BRINP3: variants seen among roughly 807,000 people sequenced by gnomAD.
The protein encoded by BRINP3 is BMP/retinoic acid inducible neural specific 3.
Under a neutral mutation model 71.0 loss-of-function variants are expected in BRINP3, and 19 were observed. The observed-to-expected ratio is 0.27, with a 90% CI of 0.19 to 0.39. BRINP3 has a LOEUF of 0.39. Ranked by LOEUF, BRINP3 falls within the 10% of genes least tolerant of loss-of-function variation. The pLI is 1.00. For synonymous variants in BRINP3, 380 were observed against 337.7 expected, an observed-to-expected ratio of 1.13 and a Z score of -1.37; for missense variants, 959 against 940.8, an observed-to-expected ratio of 1.02 and a Z score of -0.25.
chr1:190,114,795 T>C (rs1652992249), intron 7 of BRINP3, among the ~76,000 whole-genome samples: 1 of 152,184 alleles, frequency 6.6e-6, no homozygotes, highest in Non-Finnish European at 1.5e-5. Flanking sequence ...CACTGGTCTC[T>C]TCACTATTTT....
intron 2 of BRINP3, among the ~76,000 whole-genome samples, chr1:190,387,268 A>G (rs1670971830): frequency 6.6e-6 from 1 of 152,048 alleles, no homozygotes; most frequent in Non-Finnish European, 1.5e-5. Context: ...GAAATTAATA[A>G]CAAAAGTTAG....
At chr1:190,117,280 A>T (rs748161347) in intron 7 of BRINP3, among the ~76,000 whole-genome samples, 5 of 152,002 alleles carry the variant, frequency 3.3e-5, no homozygotes, top group Non-Finnish European at 5.9e-5. Flanking sequence ...AACAATACAT[A>T]AGATTTATAA....
intron 2 of BRINP3, among the ~76,000 whole-genome samples, chr1:190,303,116 A>G (rs984209018): frequency 6.6e-6 from 1 of 151,728 alleles, no homozygotes; most frequent in Admixed American, 6.6e-5. Context: ...TTAATTTTCC[A>G]AGTTTCTGAA....
chr1:190,381,785 A>G (rs1670565678), intron 2 of BRINP3, among the ~76,000 whole-genome samples: 1 of 152,192 alleles, frequency 6.6e-6, no homozygotes, highest in African/African-American at 2.4e-5. Flanking sequence ...GATGACTTGT[A>G]GGTCCTAGGC....
intron 1 of BRINP3, among the ~76,000 whole-genome samples, chr1:190,473,615 A>G (rs1472613930): frequency 2.6e-5 from 4 of 151,380 alleles, no homozygotes; most frequent in Admixed American, 2.0e-4. Flanking sequence ...TAACAAAACA[A>G]TATCAATAAT....
At chr1:190,460,769 A>C (rs933439300) in intron 1 of BRINP3, among the ~76,000 whole-genome samples, 1 of 152,200 alleles carries the variant, frequency 6.6e-6, no homozygotes, top group African/African-American at 2.4e-5. Context: ...TTCTTATCTC[A>C]CTAAATGATA....
At chr1:190,320,626 C>T (rs1666174898) in intron 2 of BRINP3, among the ~76,000 whole-genome samples, 1 of 152,078 alleles carries the variant, frequency 6.6e-6, no homozygotes, top group East Asian at 1.9e-4. Context: ...TAAGAACCAG[C>T]CCTGGACAGG....
intron 2 of BRINP3, among the ~76,000 whole-genome samples, chr1:190,317,119 C>T (rs779694754): frequency 6.8e-6 from 1 of 146,654 alleles, no homozygotes; most frequent in Non-Finnish European, 1.5e-5. Flanking sequence ...TTTCAATGAG[C>T]CGAGATTGGG....
At chr1:190,118,705 T>C (rs1653358290) in intron 7 of BRINP3, among the ~76,000 whole-genome samples, 1 of 152,200 alleles carries the variant, frequency 6.6e-6, no homozygotes, top group Non-Finnish European at 1.5e-5. Flanking sequence ...AACCAGCTTC[T>C]TCTTAAAGGC....
At chr1:190,453,544 A>G (rs1675792838) in intron 2 of BRINP3, among the ~76,000 whole-genome samples, 2 of 152,026 alleles carry the variant, frequency 1.3e-5, no homozygotes, top group Non-Finnish European at 2.9e-5. Flanking sequence ...TAAAAAATAG[A>G]GTAAATCTTT....
chr1:190,391,178 T>C (rs1442402233), intron 2 of BRINP3, among the ~76,000 whole-genome samples: 1 of 151,716 alleles, frequency 6.6e-6, no homozygotes, highest in African/African-American at 2.4e-5. Context: ...ATCTGGAGCA[T>C]GGACACTTTG....
intron 6 of BRINP3, among the ~76,000 whole-genome samples, chr1:190,161,133 T>C (rs1418194307): frequency 1.3e-5 from 2 of 152,094 alleles, no homozygotes; most frequent in Non-Finnish European, 2.9e-5. Context: ...AAAACTAAAA[T>C]AATTTGTGCT....
At chr1:190,156,168 G>A (rs1235825463) in intron 7 of BRINP3, among the ~76,000 whole-genome samples, 1 of 152,048 alleles carries the variant, frequency 6.6e-6, no homozygotes, top group African/African-American at 2.4e-5. Flanking sequence ...TGAATGTCAA[G>A]CTTTATTGAA....
At chr1:190,180,821 T>C (rs1652966845) in intron 6 of BRINP3, among the ~76,000 whole-genome samples, 1 of 152,058 alleles carries the variant, frequency 6.6e-6, no homozygotes, top group East Asian at 1.9e-4. Flanking sequence ...TAACATTTTA[T>C]TTTAAAATAA....
At chr1:190,180,518 T>A (rs1571925108) in intron 6 of BRINP3, among the ~76,000 whole-genome samples, 1 of 152,046 alleles carries the variant, frequency 6.6e-6, no homozygotes, top group African/African-American at 2.4e-5. Context: ...TATGATATAT[T>A]TTTAGGATAA....
chr1:190,447,377 C>T (rs934598986), intron 2 of BRINP3, among the ~76,000 whole-genome samples: 5 of 145,984 alleles, frequency 3.4e-5, no homozygotes, highest in African/African-American at 5.0e-5. Context: ...TTGTGAATAG[C>T]TTATTATACA....
intron 7 of BRINP3, among the ~76,000 whole-genome samples, chr1:190,109,964 C>T (rs1420073867): frequency 2.0e-5 from 3 of 152,190 alleles, no homozygotes; most frequent in African/African-American, 7.2e-5. Flanking sequence ...ACTTTTCAGC[C>T]TCTTTAATCA....
intron 4 of BRINP3, among the ~76,000 whole-genome samples, chr1:190,241,896 A>G (rs1250494105): frequency 6.6e-6 from 1 of 151,598 alleles, no homozygotes; most frequent in Non-Finnish European, 1.5e-5. Flanking sequence ...TTTTCCCTTC[A>G]TTTCTCAACT....
chr1:190,428,769 G>T (rs1161005237), intron 2 of BRINP3, among the ~76,000 whole-genome samples: 1 of 151,730 alleles, frequency 6.6e-6, no homozygotes, highest in African/African-American at 2.4e-5. Context: ...ATATCACATG[G>T]TATTCCATAA....
Sources: allele counts gnomAD v4.1 joint callset (sites outside exome capture counted in the v4.1 genomes callset), GRCh38; gene constraint gnomAD v4.1.1; transcripts MANE v1.5; gene names NCBI Gene and HGNC (gene_info 2026-07-23, HGNC 2026-07-21).